The following NRXN3 variants were observed in gnomAD, a reference collection of about 807,000 sequenced individuals.
The protein encoded by NRXN3 is neurexin III.
In NRXN3, 32 loss-of-function variants were observed where a neutral mutation model predicts 137.6. The ratio of observed to expected loss-of-function variants is 0.23; its 90% CI spans 0.18 to 0.31. The LOEUF is 0.31. NRXN3 is among the 10% of genes least tolerant of loss of function. The probability of loss-of-function intolerance (pLI) is 1.00; values close to 1 mark genes in which losing one functional copy is unlikely to be tolerated. For synonymous variants in NRXN3, 798 were observed against 784.5 expected (o/e 1.02, Z -0.29); for missense variants, 1,574 against 2,062.5 (o/e 0.76, Z 4.59).
At chr14:78,197,498 C>T (rs2061334859) in intron 1 of NRXN3, among the ~76,000 whole-genome samples, 3 of 152,188 alleles carry the variant, frequency 2.0e-5, no homozygotes, top group Admixed American at 6.5e-5. Context: ...CTTAGGCAAC[C>T]GGCAGGCTGG....
intron 1 of NRXN3, among the ~76,000 whole-genome samples, chr14:78,219,857 G>A (rs1413165245): frequency 6.6e-6 from 1 of 152,144 alleles, no homozygotes; most frequent in African/African-American, 2.4e-5. Flanking sequence ...ACAAAGATCA[G>A]CTATTAGGCT....
intron 1 of NRXN3, among the ~76,000 whole-genome samples, chr14:78,236,739 CT>C (rs200229748): frequency 1.8e-5 from 2 of 113,516 alleles, no homozygotes; most frequent in Non-Finnish European, 3.6e-5. Flanking sequence ...TCCCCCCCCC[CT>C]TTTTTTTGAT....
chr14:78,605,322 C>G (rs1430455693), intron 4 of NRXN3, among the ~76,000 whole-genome samples: 1 of 152,098 alleles, frequency 6.6e-6, no homozygotes, highest in Non-Finnish European at 1.5e-5. Context: ...CCTGGAAGCT[C>G]AAAGGGAAAC....
intron 10 of NRXN3, among the ~76,000 whole-genome samples, chr14:78,929,763 T>C (rs2099316505): frequency 6.6e-6 from 1 of 152,152 alleles, no homozygotes; most frequent in South Asian, 2.1e-4. Flanking sequence ...GCTAAGGAAA[T>C]TTGTTACCAC....
At chr14:78,551,435 A>T (rs1291109041) in intron 4 of NRXN3, among the ~76,000 whole-genome samples, 1 of 152,122 alleles carries the variant, frequency 6.6e-6, no homozygotes, top group African/African-American at 2.4e-5. Context: ...GACTATACTG[A>T]ACATTTAGTG....
intron 15 of NRXN3, among the ~76,000 whole-genome samples, chr14:79,395,669 C>T (rs1180487369): frequency 2.0e-5 from 3 of 151,960 alleles, no homozygotes; most frequent in East Asian, 3.9e-4. Flanking sequence ...ATTAGCCAGG[C>T]GTGGTGGTGG....
At chr14:78,912,360 T>G (rs1033684280) in intron 10 of NRXN3, among the ~76,000 whole-genome samples, 6 of 151,176 alleles carry the variant, frequency 4.0e-5, no homozygotes, top group Admixed American at 1.3e-4. Context: ...AGAGAAGCAA[T>G]CAGTTCTTAC....
At chr14:78,604,882 T>C (rs2097235185) in intron 4 of NRXN3, among the ~76,000 whole-genome samples, 2 of 152,196 alleles carry the variant, frequency 1.3e-5, no homozygotes, top group South Asian at 4.1e-4. Flanking sequence ...AAGCACTGTT[T>C]CAATAACTTT....
chr14:79,124,162 G>A (rs765694721), intron 15 of NRXN3, among the ~76,000 whole-genome samples: 7 of 152,166 alleles, frequency 4.6e-5, no homozygotes, highest in Non-Finnish European at 1.0e-4. Flanking sequence ...TAATGCCCCA[G>A]TAGTCATCCT....
chr14:79,323,164 G>A (rs946951566), intron 15 of NRXN3, among the ~76,000 whole-genome samples: 1 of 152,172 alleles, frequency 6.6e-6, no homozygotes, highest in African/African-American at 2.4e-5. Context: ...CTCCCAAGTA[G>A]CTTGGACTGC....
At chr14:78,739,535 G>A (rs778063222) in intron 8 of NRXN3, among the ~76,000 whole-genome samples, 10 of 152,122 alleles carry the variant, frequency 6.6e-5, no homozygotes, top group South Asian at 2.1e-4. Flanking sequence ...AAAATGGCGC[G>A]ATCTTGGCTC....
chr14:79,281,227 T>G (rs1024380328), intron 15 of NRXN3, among the ~76,000 whole-genome samples: 2 of 152,186 alleles, frequency 1.3e-5, no homozygotes, highest in Non-Finnish European at 2.9e-5. Context: ...TCATTTATAA[T>G]TTACCCAAGT....
Position 78,967,196 on chromosome 14 carries a change from T to TTC in NRXN3, c.2778-11_2778-10insCT. The TTC allele has an allele frequency of 6.3e-7, 1 of 1,583,062 alleles. No individual in the cohort carries two copies. Among genetic ancestry groups the TTC allele is most frequent in the African/African-American group, 1.4e-5 (1 of 73,024 alleles). ...TTTTCCAATTATTGTTTTTTTTTTT[T>TTC]TTTCTTCCTAGGTATATACACTACG... is the stretch of plus-strand genomic sequence containing the variant. On this transcript the variant is annotated splice_polypyrimidine_tract_variant and intron_variant, in intron 12 of 20. Transcript: ENST00000335750.
intron 15 of NRXN3, among the ~76,000 whole-genome samples, chr14:79,065,835 G>T (rs1013731799): frequency 2.6e-5 from 4 of 152,002 alleles, no homozygotes; most frequent in African/African-American, 9.7e-5. Flanking sequence ...CAGGGGTACA[G>T]GTGCAGTATG....
At position 78,575,732 on chromosome 14, in the gene NRXN3, G is replaced by A. The variant is rs55753078; in HGVS notation, c.758-69388G>A. ...TAAAGGAAAAATGAAACAACAAATA[G>A]TGATAGTACAAGCGGGGGTGGTGGT... On this transcript the variant is annotated intron_variant, in intron 4 of 20. Coordinates refer to ENST00000335750, the MANE Select transcript of NRXN3 (RefSeq NM_001330195.2). 7.4e-3 allele frequency among the ~76,000 whole-genome samples: 1,127 copies of A among 152,272 alleles called. 14 individuals carry two copies. Among genetic ancestry groups the A allele is most frequent in the African/African-American group, 0.026 (1,069 of 41,554 alleles).
At chr14:79,584,373 A>T (rs2097747578) in intron 16 of NRXN3, among the ~76,000 whole-genome samples, 5 of 152,228 alleles carry the variant, frequency 3.3e-5, no homozygotes, top group Admixed American at 2.6e-4. Flanking sequence ...AGTGAAACAC[A>T]GAATACCCTA....
chr14:79,859,701 A>G (rs534042063), intron 20 of NRXN3, among the ~76,000 whole-genome samples: 34 of 152,260 alleles, frequency 2.2e-4, no homozygotes, highest in African/African-American at 7.7e-4. Flanking sequence ...CTATCACAGC[A>G]AAGTTATTAC....
intron 16 of NRXN3, among the ~76,000 whole-genome samples, chr14:79,550,688 T>C (rs1013333844): frequency 6.6e-6 from 1 of 151,984 alleles, no homozygotes; most frequent in Non-Finnish European, 1.5e-5. Flanking sequence ...CTGGCAAGAC[T>C]CGGAAAGTGC....
At chr14:79,686,176 C>T (rs759048135) in intron 17 of NRXN3, among the ~76,000 whole-genome samples, 5 of 151,868 alleles carry the variant, frequency 3.3e-5, no homozygotes, top group African/African-American at 4.8e-5. Flanking sequence ...CCCAGCTACT[C>T]GGGAGGCTGA....
Sources: allele counts gnomAD v4.1 joint callset (sites outside exome capture counted in the v4.1 genomes callset), GRCh38; gene constraint gnomAD v4.1.1; transcripts MANE v1.5; gene names NCBI Gene and HGNC (gene_info 2026-07-23, HGNC 2026-07-21).